ST3GAL1: variants seen among roughly 807,000 people sequenced by gnomAD.
The protein encoded by ST3GAL1 is ST3 beta-galactoside alpha-2,3-sialyltransferase 1, also known as CMP-N-acetylneuraminate-beta-galactosamide-alpha-2,3-sialyltransferase 1.
A neutral mutation model predicts 34.1 loss-of-function variants in ST3GAL1; 16 were observed. The ratio of observed to expected loss-of-function variants is 0.47; its 90% CI spans 0.32 to 0.71. The LOEUF (loss-of-function observed/expected upper bound fraction) is 0.71, where lower values mean the gene tolerates loss of function less well. ST3GAL1 is among the 30% of genes least tolerant of loss of function. The probability of loss-of-function intolerance (pLI) is 0.04; values close to 1 mark genes in which losing one functional copy is unlikely to be tolerated. For missense variants in ST3GAL1, 353 were observed against 447.4 expected (o/e 0.79, Z 1.90); for synonymous variants, 191 against 184.7 (o/e 1.03, Z -0.28).
At chr8:133,552,171 T>A (rs1008306701) in intron 1 of ST3GAL1, among the ~76,000 whole-genome samples, 3 of 152,192 alleles carry the variant, frequency 2.0e-5, no homozygotes, top group African/African-American at 4.8e-5. Flanking sequence ...CACAGGTCCA[T>A]CAGCAAGGAA....
At chr8:133,512,403 C>A (rs1328907438) in intron 2 of ST3GAL1, among the ~76,000 whole-genome samples, 4 of 152,210 alleles carry the variant, frequency 2.6e-5, no homozygotes, top group Non-Finnish European at 5.9e-5. Context: ...TTTATCCTAG[C>A]CATGCTGGCA....
Position 133,556,470 on chromosome 8 carries a change from A to G in ST3GAL1, c.-581-10544T>C, listed in dbSNP as rs72720286. On this transcript the variant is annotated intron_variant, in intron 1 of 9. Coordinates refer to ENST00000522652, the MANE Select transcript of ST3GAL1 (RefSeq NM_173344.3). The surrounding 1 kb of genome is among the most constrained non-coding windows in gnomAD (Gnocchi z 8.9). ...GGCTGTACAGCTGTCCTCTGGGCCC[A>G]GCATATATTGTTCTGTCCGCTCAGA... Among the ~76,000 whole-genome samples, 1 of 152,312 alleles carries G rather than the reference A, an allele frequency of 6.6e-6. No individual in the cohort carries two copies. Among genetic ancestry groups the G allele is most frequent in the Non-Finnish European group, 1.5e-5 (1 of 68,034 alleles).
At chr8:133,514,955 G>T (rs1446759901) in intron 2 of ST3GAL1, among the ~76,000 whole-genome samples, 1 of 152,136 alleles carries the variant, frequency 6.6e-6, no homozygotes, top group African/African-American at 2.4e-5. Flanking sequence ...CAGATGCCAA[G>T]CCCTCTGGGA....
intron 3 of ST3GAL1, among the ~76,000 whole-genome samples, chr8:133,481,374 C>T (rs143324607): frequency 7.5e-4 from 115 of 152,350 alleles, no homozygotes; most frequent in African/African-American, 2.6e-3. Flanking sequence ...ATCAGGGTGA[C>T]TCTTCCTTAC....
chr8:133,502,031 G>C (rs1167078610), intron 2 of ST3GAL1, among the ~76,000 whole-genome samples: 1 of 152,132 alleles, frequency 6.6e-6, no homozygotes, highest in Non-Finnish European at 1.5e-5. Context: ...TTCACCGGGG[G>C]ACTCAAGCAT....
chr8:133,462,133 A>G (rs1815536721), intron 8 of ST3GAL1, 139 bp from the exon 9 acceptor site: 22 of 1,286,310 alleles, frequency 1.7e-5, no homozygotes, highest in Non-Finnish European at 2.2e-5. Context: ...GTGGGCTTCC[A>G]TGCTCGTAGG....
Position 133,459,604 on chromosome 8 carries a change from G to C in ST3GAL1, c.*160C>G. On this transcript the variant is annotated 3_prime_UTR_variant, in exon 10 of 10. Coordinates refer to ENST00000522652, the MANE Select transcript of ST3GAL1 (RefSeq NM_173344.3). The surrounding 1 kb of genome is among the most constrained non-coding windows in gnomAD (Gnocchi z 4.7). ...TGGCAGAGCTTAGTGACCTTGCTGA[G>C]TAGATGCTGCCAACGGCTGGGTGCA... is the stretch of plus-strand genomic sequence containing the variant. 3 of 845,160 alleles carry C rather than the reference G, an allele frequency of 3.5e-6. No homozygotes were observed. The highest frequency in any genetic ancestry group is 5.2e-6 in the Non-Finnish European group (3 of 573,854). The allele number at this position is 845,160 out of a possible 1,614,324, so 52.4% of individuals were successfully genotyped here.
At chr8:133,462,835 G>A (rs1421851378) in intron 8 of ST3GAL1, among the ~76,000 whole-genome samples, 1 of 152,212 alleles carries the variant, frequency 6.6e-6, no homozygotes, top group Non-Finnish European at 1.5e-5. Context: ...TGGAGGCACG[G>A]GGAGTCTTCA....
At chr8:133,561,960 C>T (rs952627050) in intron 1 of ST3GAL1, among the ~76,000 whole-genome samples, 5 of 151,964 alleles carry the variant, frequency 3.3e-5, no homozygotes, top group Non-Finnish European at 7.4e-5. Context: ...TCCACAATGG[C>T]GTATACCTGT....
At chr8:133,460,127 C>G (rs1286144588) in intron 9 of ST3GAL1, among the ~76,000 whole-genome samples, 190 bp from the exon 10 acceptor site, 1 of 152,200 alleles carries the variant, frequency 6.6e-6, no homozygotes, top group African/African-American at 2.4e-5. Context: ...GAAGCAAATG[C>G]AAGTTAAGTA....
intron 1 of ST3GAL1, among the ~76,000 whole-genome samples, chr8:133,562,835 TTC>T (rs1563744657): frequency 9.6e-6 from 1 of 103,700 alleles, no homozygotes; most frequent in East Asian, 2.3e-4. Context: ...CCTTCCTTCC[TTC>T]CTTCCTTTCT....
chr8:133,495,909 C>T (rs534563486), intron 3 of ST3GAL1, among the ~76,000 whole-genome samples: 10 of 152,262 alleles, frequency 6.6e-5, no homozygotes, highest in African/African-American at 2.4e-4. Context: ...TCAGGTTGCG[C>T]CTGAACTGCT....
At chr8:133,565,179 G>GTGTGTA (rs1819357012) in intron 1 of ST3GAL1, among the ~76,000 whole-genome samples, 1 of 151,848 alleles carries the variant, frequency 6.6e-6, no homozygotes, top group African/African-American at 2.4e-5. Context: ...GTGTGTGTGT[G>GTGTGTA]TGTGTGTGTG....
intron 2 of ST3GAL1, among the ~76,000 whole-genome samples, chr8:133,519,309 G>A (rs952723855): frequency 6.6e-6 from 1 of 152,076 alleles, no homozygotes; most frequent in Non-Finnish European, 1.5e-5. Flanking sequence ...GTGAAAGTGT[G>A]GACTCATTAG....
intron 2 of ST3GAL1, among the ~76,000 whole-genome samples, chr8:133,525,989 G>GC (rs1490266315): frequency 6.6e-6 from 1 of 152,094 alleles, no homozygotes; most frequent in Non-Finnish European, 1.5e-5. Flanking sequence ...TTGATAGAAG[G>GC]CAGGGTTCCC....
chr8:133,511,094 T>C (rs1817487987), intron 2 of ST3GAL1, among the ~76,000 whole-genome samples: 1 of 152,234 alleles, frequency 6.6e-6, no homozygotes, highest in Admixed American at 6.5e-5. Context: ...TATTATCTAG[T>C]GCCTGAATTA....
chr8:133,471,774 T>C (rs1815971895), intron 5 of ST3GAL1, among the ~76,000 whole-genome samples: 2 of 152,056 alleles, frequency 1.3e-5, no homozygotes, highest in Admixed American at 6.6e-5. Flanking sequence ...GCCCAGGACC[T>C]GGCCAGAGTT....
chr8:133,513,456 T>C (rs184980791), intron 2 of ST3GAL1, among the ~76,000 whole-genome samples: 7 of 152,344 alleles, frequency 4.6e-5, no homozygotes, highest in African/African-American at 1.2e-4. Flanking sequence ...CATATTTATA[T>C]AGAAGAAAAG....
chr8:133,485,526 C>T (rs947999656), intron 3 of ST3GAL1, among the ~76,000 whole-genome samples: 11 of 152,324 alleles, frequency 7.2e-5, no homozygotes, highest in South Asian at 6.2e-4. Context: ...CAAATCCTCA[C>T]GCTTCAAGCT....
Sources: allele counts gnomAD v4.1 joint callset (sites outside exome capture counted in the v4.1 genomes callset), GRCh38; gene constraint gnomAD v4.1.1; non-coding constraint Gnocchi (gnomAD v3.1); transcripts MANE v1.5; gene names NCBI Gene and HGNC (gene_info 2026-07-23, HGNC 2026-07-21).